Variants in WWOX observed in about 807,000 individuals in gnomAD.
WWOX encodes WW domain containing oxidoreductase.
WWOX carries 69 observed loss-of-function variants against 46.2 expected under a neutral mutation model. The ratio of observed to expected loss-of-function variants is 1.49; its 90% confidence interval spans 1.23 to 1.82. The LOEUF (loss-of-function observed/expected upper bound fraction) is 1.82. Ranked by LOEUF, WWOX falls within the 40% of genes most tolerant of loss-of-function variation. WWOX has a pLI of 0.00. For synonymous variants in WWOX, 359 were observed against 202.6 expected (o/e 1.77, Z -6.56); for missense variants, 919 against 542.6 (o/e 1.69, Z -6.89).
intron 8 of WWOX, among the ~76,000 whole-genome samples, chr16:78,647,934 A>G (rs1195565917): frequency 2.6e-5 from 4 of 152,170 alleles, no homozygotes; most frequent in Admixed American, 6.5e-5. Context: ...TTAGTAATCA[A>G]CTTTGCCAAA....
At chr16:78,184,207 C>A (rs1057438661) in intron 5 of WWOX, among the ~76,000 whole-genome samples, 1 of 152,028 alleles carries the variant, frequency 6.6e-6, no homozygotes, top group Non-Finnish European at 1.5e-5. Context: ...CTGTCAGGGT[C>A]CCAAATGTTC....
chr16:78,429,576 C>G (rs1309195365), intron 7 of WWOX, among the ~76,000 whole-genome samples: 1 of 152,078 alleles, frequency 6.6e-6, no homozygotes, highest in Non-Finnish European at 1.5e-5. Context: ...TATATTTATT[C>G]CATACCTTTC....
intron 5 of WWOX, among the ~76,000 whole-genome samples, chr16:78,269,672 C>A (rs1365193653): frequency 6.6e-6 from 1 of 152,226 alleles, no homozygotes; most frequent in Non-Finnish European, 1.5e-5. Flanking sequence ...AATCAATTTG[C>A]TCCTCTAATT....
At chr16:78,149,666 T>G (rs1000820692) in intron 4 of WWOX, among the ~76,000 whole-genome samples, 2 of 152,206 alleles carry the variant, frequency 1.3e-5, no homozygotes, top group Non-Finnish European at 2.9e-5. Context: ...TAGGTTTAGC[T>G]TAAATTATAC....
chr16:79,208,658 C>T (rs2051605687), intron 8 of WWOX, among the ~76,000 whole-genome samples: 1 of 151,324 alleles, frequency 6.6e-6, no homozygotes, highest in Non-Finnish European at 1.5e-5. Flanking sequence ...TTTAAGAATG[C>T]TTTCTCTTTT....
At chr16:78,702,937 C>T (rs1412654401) in intron 8 of WWOX, among the ~76,000 whole-genome samples, 3 of 152,162 alleles carry the variant, frequency 2.0e-5, no homozygotes, top group Admixed American at 2.0e-4. Context: ...GGGAGCTCTC[C>T]TCCTTTTCCA....
At chr16:79,010,478 C>G (rs1406444646) in intron 8 of WWOX, among the ~76,000 whole-genome samples, 1 of 152,096 alleles carries the variant, frequency 6.6e-6, no homozygotes, top group African/African-American at 2.4e-5. Context: ...CAGGTGATGG[C>G]GGGACAGCTC....
intron 8 of WWOX, among the ~76,000 whole-genome samples, chr16:78,921,281 C>T (rs769353178): frequency 7.2e-5 from 11 of 152,080 alleles, no homozygotes; most frequent in East Asian, 5.8e-4. Context: ...GTCAAAATGC[C>T]GCATTTATTT....
intron 8 of WWOX, among the ~76,000 whole-genome samples, chr16:78,433,521 C>T (rs2083269133): frequency 1.3e-5 from 2 of 152,100 alleles, no homozygotes; most frequent in African/African-American, 4.8e-5. Flanking sequence ...TAGTGGACAC[C>T]AGTATTCCAG....
intron 8 of WWOX, among the ~76,000 whole-genome samples, chr16:78,978,179 C>A (rs535499541): frequency 1.3e-5 from 2 of 152,178 alleles, no homozygotes; most frequent in Non-Finnish European, 2.9e-5. Flanking sequence ...ACTTCATTCC[C>A]TTTTATCACT....
intron 8 of WWOX, among the ~76,000 whole-genome samples, chr16:78,958,397 A>G (rs984982693): frequency 6.6e-6 from 1 of 152,232 alleles, no homozygotes; most frequent in African/African-American, 2.4e-5. Context: ...TACTTACTGT[A>G]AAAATGGATA....
chr16:78,103,613 CT>C (rs2031945762), intron 1 of WWOX, among the ~76,000 whole-genome samples: 1 of 152,112 alleles, frequency 6.6e-6, no homozygotes, highest in Admixed American at 6.6e-5. Context: ...CCTGGCCCTT[CT>C]TTTCTTTTCA....
At chr16:79,169,761 C>T (rs1483353306) in intron 8 of WWOX, among the ~76,000 whole-genome samples, 1 of 152,176 alleles carries the variant, frequency 6.6e-6, no homozygotes, top group Non-Finnish European at 1.5e-5. Flanking sequence ...TTGCCACAGC[C>T]TCCTTTTGTC....
chr16:78,335,397 A>G (rs2080865802), intron 5 of WWOX, among the ~76,000 whole-genome samples: 1 of 152,188 alleles, frequency 6.6e-6, no homozygotes, highest in Non-Finnish European at 1.5e-5. Context: ...CAGTTTCTGC[A>G]TAAGTTTGCC....
chr16:78,987,866 GGCTTT>G (rs2046811469), intron 8 of WWOX, among the ~76,000 whole-genome samples: 1 of 152,104 alleles, frequency 6.6e-6, no homozygotes, highest in Non-Finnish European at 1.5e-5. Context: ...CAGCCCTGTG[GGCTTT>G]GCTGCTTACA....
intron 8 of WWOX, among the ~76,000 whole-genome samples, chr16:78,499,773 T>G (rs1418104114): frequency 6.6e-6 from 1 of 152,244 alleles, no homozygotes; most frequent in Non-Finnish European, 1.5e-5. Context: ...AATACATCCG[T>G]GGAACGCATT....
intron 8 of WWOX, among the ~76,000 whole-genome samples, chr16:78,974,649 C>T (rs189468204): frequency 1.9e-3 from 285 of 152,306 alleles, no homozygotes; most frequent in Admixed American, 4.0e-3. Context: ...CCCGATGCAA[C>T]TGTCTGTCCT....
At chr16:78,273,950 G>T (rs887856757) in intron 5 of WWOX, among the ~76,000 whole-genome samples, 5 of 152,190 alleles carry the variant, frequency 3.3e-5, no homozygotes, top group Non-Finnish European at 7.3e-5. Context: ...GGATGGACAG[G>T]ATAGACATTG....
rs575317950 is a variant in WWOX at position 78,432,750 on chromosome 16, A to C, written c.1054A>C (p.Met352Leu). 1 of 1,614,144 alleles carries C rather than the reference A, an allele frequency of 6.2e-7. No individual in the cohort carries two copies. The highest frequency in any genetic ancestry group is 8.5e-7 in the Non-Finnish European group (1 of 1,180,044). Residue 352 changes from methionine to leucine, a missense_variant and splice_region_variant, in exon 8 of 9, where the codon ATG becomes CTG. Coordinates refer to ENST00000566780, the MANE Select transcript of WWOX (RefSeq NM_016373.4). ...FTLARPFTKS[M>L]QQGAATTVYC... is the part of the protein sequence containing the mutation. ...CTTGGCGAGGCCTTTCACCAAGTCC[A>C]TGGTAAGAGAACAGCTTCTGGCGCC...
Sources: allele counts gnomAD v4.1 joint callset (sites outside exome capture counted in the v4.1 genomes callset), GRCh38; gene constraint gnomAD v4.1.1; transcripts MANE v1.5; gene names NCBI Gene and HGNC (gene_info 2026-07-23, HGNC 2026-07-21).